Variants in C8orf89 observed in about 807,000 individuals in gnomAD.
C8orf89 encodes the protein chromosome 8 open reading frame 89.
C8orf89 carries 14 observed loss-of-function variants against 15.8 expected under a neutral mutation model. The ratio of observed to expected loss-of-function variants is 0.89; its 90% confidence interval spans 0.59 to 1.39. The LOEUF (loss-of-function observed/expected upper bound fraction) is 1.39, where lower values mean the gene tolerates loss of function less well. C8orf89 is among the 40% of genes most tolerant of loss of function. C8orf89 has a pLI of 0.00. For synonymous variants in C8orf89, 55 were observed against 62.2 expected, an observed-to-expected ratio of 0.88 and a Z score of 0.54; for missense variants, 181 against 184.5, an observed-to-expected ratio of 0.98 and a Z score of 0.11.
intron 3 of C8orf89, among the ~76,000 whole-genome samples, chr8:73,248,773 T>C (rs1813183494): frequency 6.6e-6 from 1 of 152,204 alleles, no homozygotes; most frequent in Non-Finnish European, 1.5e-5. Flanking sequence ...ATGCTATCAA[T>C]TTTTGCACGT....
chr8:73,251,529 A>C (rs886746997), intron 2 of C8orf89, among the ~76,000 whole-genome samples: 1 of 152,248 alleles, frequency 6.6e-6, no homozygotes, highest in East Asian at 1.9e-4. Flanking sequence ...ATTCCACTTT[A>C]TATATGAAGA....
chr8:73,285,691 AG>A, the C8orf89 span, among the ~76,000 whole-genome samples: 4 of 152,316 alleles, frequency 2.6e-5, no homozygotes, highest in Middle Eastern at 3.4e-3. Context: ...CTCCGGCAGC[AG>A]GGGTGGCTGG....
At chr8:73,283,591 A>G in the C8orf89 span, among the ~76,000 whole-genome samples, 1 of 152,252 alleles carries the variant, frequency 6.6e-6, no homozygotes, top group Admixed American at 6.5e-5. Flanking sequence ...AGAATAATAA[A>G]TACAGATTTT....
At chr8:73,247,204 C>A (rs1241022336) in intron 3 of C8orf89, among the ~76,000 whole-genome samples, 1 of 151,812 alleles carries the variant, frequency 6.6e-6, no homozygotes, top group African/African-American at 2.4e-5. Flanking sequence ...ACCCTCCACA[C>A]CCTCCTGCAT....
Position 73,241,402 on chromosome 8 carries a change from A to G in C8orf89, c.*55T>C. The G allele has an allele frequency of 7.6e-7, 1 of 1,309,156 alleles. No individual in the cohort carries two copies. The highest frequency in any genetic ancestry group is 9.8e-7 in the Non-Finnish European group (1 of 1,022,996). The allele number at this position is 1,309,156 out of a possible 1,614,324, so 81.1% of individuals were successfully genotyped here. A position where few individuals can be genotyped will look rare whatever the true frequency, so the allele number is the denominator to read the frequency against. On this transcript the variant is annotated 3_prime_UTR_variant, in exon 4 of 4. Transcript: ENST00000624510. ...ATTTTGCATCATATCATATAAAAAAAGAAAATATAAAGCTTAAAAGTCACT... is the reference window on the plus strand; with the variant it reads ...ATTTTGCATCATATCATATAAAAAAGGAAAATATAAAGCTTAAAAGTCACT...
intron 2 of C8orf89, 118 bp downstream of exon 2, chr8:73,256,852 TAAA>T (rs34481187): frequency 4.1e-3 from 1,875 of 457,816 alleles, no homozygotes; most frequent in Non-Finnish European, 4.6e-3. Context: ...ATCCTTTATG[TAAA>T]AAAAAAAAAA....
rs1247503720 is a variant in C8orf89, at chr8:73,256,964, A to G, written c.281+9T>C. 5 of 1,527,900 alleles carry G rather than the reference A, an allele frequency of 3.3e-6. No homozygotes were observed. Among genetic ancestry groups the G allele is most frequent in the Non-Finnish European group, 4.4e-6 (5 of 1,143,168 alleles). The allele number at this position is 1,527,900 out of a possible 1,614,324, so 94.6% of individuals were successfully genotyped here. Reference sequence around the variant, plus strand: ...TTCAACAAATGAGAATTAAATAGCAATGATCTACCTGACTGCAGACACCTC... The same window carrying G: ...TTCAACAAATGAGAATTAAATAGCAGTGATCTACCTGACTGCAGACACCTC... On this transcript the variant is annotated intron_variant, in intron 2 of 3. Coordinates refer to ENST00000624510, the MANE Select transcript of C8orf89 (RefSeq NM_001243237.3).
At chr8:73,250,706 T>C (rs981121758) in intron 2 of C8orf89, among the ~76,000 whole-genome samples, 14 of 152,210 alleles carry the variant, frequency 9.2e-5, no homozygotes, top group Non-Finnish European at 2.9e-5. Context: ...TTGTTCCCAC[T>C]GAAATACATC....
upstream of C8orf89, among the ~76,000 whole-genome samples, chr8:73,261,799 G>C (rs1813534201): frequency 6.6e-6 from 1 of 152,124 alleles, no homozygotes; most frequent in South Asian, 2.1e-4. Context: ...ATCCAGCTCA[G>C]CACTGGTTCC....
At chr8:73,269,416 T>C in the C8orf89 span, among the ~76,000 whole-genome samples, 1 of 152,184 alleles carries the variant, frequency 6.6e-6, no homozygotes, top group African/African-American at 2.4e-5. Context: ...ATAAATCACA[T>C]TGAAACAATA....
chr8:73,261,801 A>G (rs558351653), upstream of C8orf89, among the ~76,000 whole-genome samples: 1 of 152,134 alleles, frequency 6.6e-6, no homozygotes, highest in Non-Finnish European at 1.5e-5. Flanking sequence ...CCAGCTCAGC[A>G]CTGGTTCCAA....
intron 2 of C8orf89, among the ~76,000 whole-genome samples, chr8:73,252,278 T>A (rs546726650): frequency 6.6e-6 from 1 of 152,324 alleles, no homozygotes; most frequent in East Asian, 1.9e-4. Context: ...TAGGAAGTGA[T>A]GAAGTAAACT....
In C8orf89 at chr8:73,241,381, T is replaced by C. The variant is rs1586158967; in HGVS notation, c.*76A>G. On this transcript the variant is annotated 3_prime_UTR_variant, in exon 4 of 4. Coordinates refer to ENST00000624510, the MANE Select transcript of C8orf89 (RefSeq NM_001243237.3). ...ATTTCCATTTTTATATAAATCATTT[T>C]GCATCATATCATATAAAAAAAGAAA... The C allele has an allele frequency of 1.8e-6, 2 of 1,124,938 alleles. No homozygotes were observed. The highest frequency in any genetic ancestry group is 7.1e-5 in the Admixed American group (2 of 28,252). The allele number at this position is 1,124,938 out of a possible 1,614,324, so 69.7% of individuals were successfully genotyped here.
chr8:73,273,313 G>T, the C8orf89 span, among the ~76,000 whole-genome samples: 6 of 152,242 alleles, frequency 3.9e-5, no homozygotes, highest in Non-Finnish European at 8.8e-5. Flanking sequence ...ACTTGCCTCT[G>T]TAGGCTTCAA....
At chr8:73,260,643 C>T (rs7005232), upstream of C8orf89, among the ~76,000 whole-genome samples, 87,930 of 151,622 alleles carry the variant, frequency 0.58, 25,985 homozygotes, top group East Asian at 0.7. Context: ...CCCACTGCAG[C>T]CTTGGGCATT....
At chr8:73,279,714 G>A in the C8orf89 span, among the ~76,000 whole-genome samples, 695 of 152,302 alleles carry the variant, frequency 4.6e-3, 5 homozygotes, top group South Asian at 0.016. Flanking sequence ...CAAAAAAACA[G>A]TAGAAACCAC....
In C8orf89 at chr8:73,253,083, C is replaced by A. The variant is rs187782643; in HGVS notation, c.282-2760G>T. 1.1e-4 allele frequency among the ~76,000 whole-genome samples: 16 copies of A among 152,298 alleles called. No individual in the cohort carries two copies. The East Asian group carries it at 3.1e-3, about 29-fold the overall frequency. ...GCTTGAACCCGGGAGGCGGAGCTCCCAGCGAGCCAAGATCGCGCCACTGCA... is the reference window on the plus strand; with the variant it reads ...GCTTGAACCCGGGAGGCGGAGCTCCAAGCGAGCCAAGATCGCGCCACTGCA... On this transcript the variant is annotated intron_variant, in intron 2 of 3. Coordinates refer to ENST00000624510, the MANE Select transcript of C8orf89 (RefSeq NM_001243237.3).
the C8orf89 span, among the ~76,000 whole-genome samples, chr8:73,273,379 A>G: frequency 7.9e-5 from 12 of 152,218 alleles, no homozygotes; most frequent in African/African-American, 2.9e-4. Flanking sequence ...CTCTGATTTT[A>G]GAGCAAAGTT....
intron 3 of C8orf89, among the ~76,000 whole-genome samples, chr8:73,249,200 T>C (rs1003919165): frequency 6.6e-6 from 1 of 152,190 alleles, no homozygotes; most frequent in Non-Finnish European, 1.5e-5. Flanking sequence ...TGTCTTTAGC[T>C]CTGTTTATGT....
Sources: allele counts gnomAD v4.1 joint callset (sites outside exome capture counted in the v4.1 genomes callset), GRCh38; gene constraint gnomAD v4.1.1; transcripts MANE v1.5; gene names NCBI Gene and HGNC (gene_info 2026-07-23, HGNC 2026-07-21).